The following TRIM10 variants were observed in gnomAD, a reference collection of about 807,000 sequenced individuals.
The protein encoded by TRIM10 is tripartite motif-containing protein 10.
TRIM10 carries 42 observed loss-of-function variants against 40.0 expected under a neutral mutation model. The ratio of observed to expected loss-of-function variants is 1.05; its 90% CI spans 0.82 to 1.36. The LOEUF is 1.36. Among genes scored for constraint, TRIM10 ranks in the 40% most tolerant of loss-of-function variants. TRIM10 has a pLI of 0.00. For synonymous variants in TRIM10, 260 were observed against 239.5 expected, an observed-to-expected ratio of 1.09 and a Z score of -0.79; for missense variants, 601 against 608.3, an observed-to-expected ratio of 0.99 and a Z score of 0.13.
chr6:30,153,638 C>T lies in TRIM10; in HGVS notation c.*331G>A. 6.6e-7 allele frequency: 1 copy of T among 1,511,986 alleles called. No homozygotes were observed. The highest frequency in any genetic ancestry group is 2.3e-5 in the East Asian group (1 of 43,424). The allele number at this position is 1,511,986 out of a possible 1,614,324, so 93.7% of individuals were successfully genotyped here. On this transcript the variant is annotated 3_prime_UTR_variant, in exon 7 of 7. Coordinates refer to ENST00000449742, the MANE Select transcript of TRIM10 (RefSeq NM_006778.4). ...TGTTTAAAGTCATACAACTGGTTGA[C>T]AGGCTGGTTCAAGAACCCAGGTCTT...
Position 30,154,209 on chromosome 6 carries a change from C to T in TRIM10, c.1206G>A (p.Val402=). The T allele has an allele frequency of 6.2e-7, 1 of 1,612,690 alleles. No homozygotes were observed. Among genetic ancestry groups the T allele is most frequent in the Non-Finnish European group, 8.5e-7 (1 of 1,179,792 alleles). Residue 402 remains valine (V), a synonymous_variant, in exon 7 of 7, where the codon GTG becomes GTA. Transcript: ENST00000449742. ...AGCCCCAAGCCAGCCTCACAGCCCA[C>T]ACCCCCTCCTCTGGCCGCAGCCGAA... is the stretch of plus-strand genomic sequence containing the variant. ...GELRLRPEEG[V]WAVRLAWGFV...
chr6:30,157,237 T>G (rs1428132387), intron 4 of TRIM10, 132 bp downstream of exon 4: 2 of 1,125,310 alleles, frequency 1.8e-6, no homozygotes, highest in Non-Finnish European at 2.6e-6. Context: ...GGCATTTGGG[T>G]ATATAGAGGT....
rs577316825 is a variant in TRIM10, at chr6:30,153,646, T to G, written c.*323A>C. On this transcript the variant is annotated 3_prime_UTR_variant, in exon 7 of 7. Coordinates refer to ENST00000449742, the MANE Select transcript of TRIM10 (RefSeq NM_006778.4). Reference sequence around the variant, plus strand: ...GTCATACAACTGGTTGACAGGCTGGTTCAAGAACCCAGGTCTTCTGACTTC... The same window carrying G: ...GTCATACAACTGGTTGACAGGCTGGGTCAAGAACCCAGGTCTTCTGACTTC... 5 of 1,564,998 alleles carry G rather than the reference T, an allele frequency of 3.2e-6. No individual in the cohort carries two copies. The highest frequency in any genetic ancestry group is 1.1e-5 in the South Asian group (1 of 87,310).
chr6:30,153,651 G>C lies in TRIM10; in HGVS notation c.*318C>G. ...ACAACTGGTTGACAGGCTGGTTCAAGAACCCAGGTCTTCTGACTTCAAATC... is the reference window on the plus strand; with the variant it reads ...ACAACTGGTTGACAGGCTGGTTCAACAACCCAGGTCTTCTGACTTCAAATC... On this transcript the variant is annotated 3_prime_UTR_variant, in exon 7 of 7. Coordinates refer to ENST00000449742, the MANE Select transcript of TRIM10 (RefSeq NM_006778.4). 1.3e-6 allele frequency: 2 copies of C among 1,578,810 alleles called. No homozygotes were observed. The highest frequency in any genetic ancestry group is 1.7e-6 in the Non-Finnish European group (2 of 1,157,918).
In TRIM10 at chr6:30,160,808, G is replaced by A. The variant is rs919245386; in HGVS notation, c.51C>T (p.Pro17=). ...GCTCCCTCAGGGTACCCTGACAGAT[G>A]GGGCAGTTGACTTCATCTGCCAGGC... The part of the protein sequence containing the change: ...VTSLADEVNC[P]ICQGTLREPV... Residue 17 remains proline (P), a synonymous_variant, in exon 1 of 7, where the codon CCC becomes CCT. Coordinates refer to ENST00000449742, the MANE Select transcript of TRIM10 (RefSeq NM_006778.4). The A allele has an allele frequency of 6.2e-7, 1 of 1,613,618 alleles. No individual in the cohort carries two copies. The highest frequency in any genetic ancestry group is 1.3e-5 in the African/African-American group (1 of 74,890).
intron 5 of TRIM10, among the ~76,000 whole-genome samples, chr6:30,156,412 C>G (rs908386055): frequency 1.7e-4 from 26 of 152,236 alleles, no homozygotes; most frequent in Admixed American, 1.6e-3. Context: ...AACCCTCCCC[C>G]ACACCCTACC....
chr6:30,153,772 CT>C lies in TRIM10; in HGVS notation c.*196del. ...AGTCCCCAGGTACCCTGGCCATCCA[CT>C]GGGCATTGGGGAAAGGACTTGATCA... On this transcript the variant is annotated 3_prime_UTR_variant, in exon 7 of 7. Coordinates refer to ENST00000449742, the MANE Select transcript of TRIM10 (RefSeq NM_006778.4). The C allele has an allele frequency of 6.2e-7, 1 of 1,613,118 alleles. No homozygotes were observed. Among genetic ancestry groups the C allele is most frequent in the Non-Finnish European group, 8.5e-7 (1 of 1,180,046 alleles).
chr6:30,153,568 C>G lies in TRIM10; in HGVS notation c.*401G>C. The G allele has an allele frequency of 1.1e-6, 1 of 889,790 alleles. No individual in the cohort carries two copies. The highest frequency in any genetic ancestry group is 1.6e-5 in the South Asian group (1 of 63,056). 55.1% of individuals were successfully genotyped at this position (889,790 alleles called of 1,614,324 possible). A position where few individuals can be genotyped will look rare whatever the true frequency, so the allele number is the denominator to read the frequency against. On this transcript the variant is annotated 3_prime_UTR_variant, in exon 7 of 7. Transcript: ENST00000449742. ...TCTAGAGAATGTGATTACATGAACT[C>G]TAACATTATTGGAAGAAAACAAGAT...
At chr6:30,161,656 A>C (rs377551971), upstream of TRIM10, among the ~76,000 whole-genome samples, 1 of 152,320 alleles carries the variant, frequency 6.6e-6, no homozygotes, top group Admixed American at 6.5e-5. Context: ...TAGGATCTCC[A>C]TTTCATAAAT....
chr6:30,154,752 G>T (rs1260355154), intron 6 of TRIM10: 5 of 692,368 alleles, frequency 7.2e-6, no homozygotes, highest in African/African-American at 7.0e-5. Flanking sequence ...CTCTCGTTTA[G>T]TTCAGTGTGG....
Position 30,154,201 on chromosome 6 carries a change from ACAG to A in TRIM10, c.1211_1213del (p.Ala404del). On this transcript the variant is annotated inframe_deletion, in exon 7 of 7. Transcript: ENST00000449742. ...CGAGACGAAGCCCCAAGCCAGCCTC[ACAG>A]CCCACACCCCCTCCTCTGGCCGCAG... 7 of 1,612,104 alleles carry A rather than the reference ACAG, an allele frequency of 4.3e-6. No individual in the cohort carries two copies. Among genetic ancestry groups the A allele is most frequent in the Non-Finnish European group, 5.9e-6 (7 of 1,179,300 alleles).
At chr6:30,158,302 A>C in intron 3 of TRIM10, 97 bp downstream of exon 3, 4 of 1,022,672 alleles carry the variant, frequency 3.9e-6, no homozygotes, top group Non-Finnish European at 6.1e-6. Flanking sequence ...TCTGGGATAC[A>C]GAGATGTGTG....
At position 30,152,945 on chromosome 6, in the gene TRIM10, C is replaced by T. The variant is rs965538741; in HGVS notation, c.*1024G>A. ...GCCCACAGCTGAGCTATTTGTGACC[C>T]ATTTGCTCCCACTATCTCATTTCTT... On this transcript the variant is annotated 3_prime_UTR_variant, in exon 7 of 7. Transcript: ENST00000449742. The T allele has an allele frequency of 1.3e-5, 2 of 152,162 alleles. No homozygotes were observed. Among genetic ancestry groups the T allele is most frequent in the Non-Finnish European group, 2.9e-5 (2 of 68,046 alleles). 9.4% of individuals were successfully genotyped at this position (152,162 alleles called of 1,614,324 possible). A position where few individuals can be genotyped will look rare whatever the true frequency, so the allele number is the denominator to read the frequency against.
intron 1 of TRIM10, among the ~76,000 whole-genome samples, chr6:30,159,723 TG>T (rs767474365): frequency 7.4e-4 from 112 of 152,276 alleles, no homozygotes; most frequent in Non-Finnish European, 1.3e-3. Flanking sequence ...TAAAAATAAT[TG>T]ATAAATTGTT....
intron 3 of TRIM10, 140 bp from the exon 4 acceptor site, chr6:30,157,531 G>T: frequency 2.3e-6 from 2 of 884,814 alleles, no homozygotes; most frequent in Non-Finnish European, 3.4e-6. Flanking sequence ...TGGTGCCCAG[G>T]CTGGAATACA....
upstream of TRIM10, chr6:30,163,507 G>A (rs1290831010): frequency 1.7e-5 from 14 of 812,434 alleles, no homozygotes; most frequent in Non-Finnish European, 2.4e-5. Context: ...CACAAGAGGC[G>A]GAGCCAGGTG....
intron 4 of TRIM10, 136 bp from the exon 5 acceptor site, chr6:30,157,190 C>T: frequency 8.8e-7 from 1 of 1,141,564 alleles, no homozygotes; most frequent in Non-Finnish European, 1.3e-6. Flanking sequence ...ATGAATCCCA[C>T]TGCCCATTTT....
chr6:30,156,967 C>T lies in TRIM10; in HGVS notation c.867G>A (p.Pro289=), dbSNP rs777681942. ...RIRDFPQQAL[P]LQREMKMFLE... ...GAAACATCTTCATCTCCCTCTGCAG[C>T]GGGAGGGCCTGCTGGGGAAAGTCCC... Residue 289 remains proline (P), a synonymous_variant, in exon 5 of 7, where the codon CCG becomes CCA. Transcript: ENST00000449742. 13 of 1,613,018 alleles carry T rather than the reference C, an allele frequency of 8.1e-6. No homozygotes were observed. Among genetic ancestry groups the T allele is most frequent in the East Asian group, 2.2e-5 (1 of 44,882 alleles).
Position 30,160,787 on chromosome 6 carries a change from C to T in TRIM10, c.72G>A (p.Arg24=). ...GGCCGCAGTCGATAGTGACCGGCTC[C>T]CTCAGGGTACCCTGACAGATGGGGC... ...VNCPICQGTL[R]EPVTIDCGHN... is the part of the protein sequence containing the mutation. The change falls in exon 1 of 7, where the codon AGG becomes AGA. Residue 24 remains arginine (R), a synonymous_variant. Transcript: ENST00000449742. The T allele has an allele frequency of 6.2e-7, 1 of 1,614,090 alleles. No individual in the cohort carries two copies. The highest frequency in any genetic ancestry group is 8.5e-7 in the Non-Finnish European group (1 of 1,180,026).
Sources: allele counts gnomAD v4.1 joint callset (sites outside exome capture counted in the v4.1 genomes callset), GRCh38; gene constraint gnomAD v4.1.1; transcripts MANE v1.5; gene names NCBI Gene and HGNC (gene_info 2026-07-23, HGNC 2026-07-21).